The following FARP2 variants were observed in gnomAD, a reference collection of about 807,000 sequenced individuals.
The protein encoded by FARP2 is FERM, ARHGEF and pleckstrin domain-containing protein 2.
In FARP2, 111 loss-of-function variants were observed where a neutral mutation model predicts 130.5. That is an observed-to-expected ratio of 0.85 (90% CI 0.73 to 1.00). The LOEUF is 1.00. Ranked by LOEUF, FARP2 falls within the 50% of genes least tolerant of loss-of-function variation. The pLI, the probability that FARP2 is intolerant of heterozygous loss-of-function variation, is 0.00. For synonymous variants in FARP2, 504 were observed against 516.9 expected, an observed-to-expected ratio of 0.98 and a Z score of 0.34; for missense variants, 1,385 against 1,346.3, an observed-to-expected ratio of 1.03 and a Z score of -0.45.
At chr2:241,444,692 C>A (rs1469722081) in intron 13 of FARP2, 3 of 152,140 alleles carry the variant, frequency 2.0e-5, no homozygotes, top group Non-Finnish European at 4.4e-5. Flanking sequence ...AAATTTTGTT[C>A]TTGGGCATCT....
At chr2:241,359,921 G>A (rs2061148074) in intron 1 of FARP2, among the ~76,000 whole-genome samples, 1 of 152,116 alleles carries the variant, frequency 6.6e-6, no homozygotes, top group Non-Finnish European at 1.5e-5. Context: ...TCCTTGCAGT[G>A]GTGGTCATAC....
In FARP2 at chr2:241,459,825, G is replaced by A. The variant is rs1221911927; in HGVS notation, c.1588-2698G>A. ...ATTCCTTGGGCTGATTGGGCGGGGC[G>A]GGGCGGGGGCAGGGGCGGGACGGAA... On this transcript the variant is annotated intron_variant, in intron 14 of 26. Transcript: ENST00000264042. This position sits in a 1 kb window ranked among gnomAD's most constrained non-coding sequence, Gnocchi z 5.3. 1.3e-5 allele frequency among the ~76,000 whole-genome samples: 2 copies of A among 151,388 alleles called. No homozygotes were observed. The highest frequency in any genetic ancestry group is 3.4e-3 in the Middle Eastern group (1 of 294).
chr2:241,480,355 C>T (rs886478399), intron 19 of FARP2, among the ~76,000 whole-genome samples: 1 of 152,154 alleles, frequency 6.6e-6, no homozygotes, highest in Admixed American at 6.5e-5. Flanking sequence ...TTGGCTTAGA[C>T]AATTTATAAA....
chr2:241,435,010 G>A lies in FARP2; in HGVS notation c.1080G>A (p.Met360Ile), dbSNP rs747040061. 1.0e-5 allele frequency: 16 copies of A among 1,593,630 alleles called. No homozygotes were observed. In the East Asian group the frequency reaches 3.4e-4, roughly 34 times the overall value. The change falls in exon 11 of 27, where the codon ATG becomes ATA. Residue 360 changes from methionine (M) to isoleucine (I), a missense_variant. Physicochemically the swap from Met to Ile is conservative, Grantham distance 10 (BLOSUM62 1). Coordinates refer to ENST00000264042, the MANE Select transcript of FARP2 (RefSeq NM_014808.4). The part of the protein sequence containing the change: ...QLVDYFKDSG[M>I]KRIPYERRHS... The stretch of plus-strand genomic sequence containing the variant: ...TAGATTATTTCAAAGACAGTGGAAT[G>A]AAGAGAATTCCATATGAAAGGTAAG...
Position 241,413,345 on chromosome 2 carries a change from C to T in FARP2, c.547C>T (p.His183Tyr), listed in dbSNP as rs2062576108. The T allele has an allele frequency of 6.2e-7, 1 of 1,612,230 alleles. No homozygotes were observed. ...GDYDETLDREHLKVNEYLPGQ... is the reference protein window; with the variant it reads ...GDYDETLDREYLKVNEYLPGQ... ...TTACGATGAAACGCTGGACCGAGAG[C>T]ACCTCAAAGTGAACGAGTATTTGCC... The change falls in exon 7 of 27, where the codon CAC becomes TAC. Residue 183 changes from histidine (H) to tyrosine (Y), a missense_variant. His to Tyr is a moderately conservative substitution (Grantham distance 83). Coordinates refer to ENST00000264042, the MANE Select transcript of FARP2 (RefSeq NM_014808.4).
intron 13 of FARP2, chr2:241,444,829 AG>A: frequency 6.6e-6 from 1 of 152,208 alleles, no homozygotes; most frequent in East Asian, 1.9e-4. Context: ...CAGGAATGTA[AG>A]GAACCCGCAT....
At chr2:241,433,629 G>A (rs1291489740) in intron 9 of FARP2, among the ~76,000 whole-genome samples, 1 of 152,120 alleles carries the variant, frequency 6.6e-6, no homozygotes, top group Non-Finnish European at 1.5e-5. Flanking sequence ...TGTGATTGTG[G>A]GTGACTTCAT....
chr2:241,490,963 G>A (rs2064877155), intron 22 of FARP2, 98 bp from the exon 23 acceptor site: 1 of 870,836 alleles, frequency 1.1e-6, no homozygotes, highest in Non-Finnish European at 1.9e-6. Context: ...AAAGCAGAAT[G>A]TGAGAGAACA....
At chr2:241,432,619 A>C (rs2063121527) in intron 9 of FARP2, among the ~76,000 whole-genome samples, 1 of 152,192 alleles carries the variant, frequency 6.6e-6, no homozygotes, top group Admixed American at 6.5e-5. Context: ...GGGAGTAAAT[A>C]TTCCCTTCTT....
In FARP2 at chr2:241,483,548, C is replaced by T. The variant is rs752793433; in HGVS notation, c.2331+15C>T. ...TGTTTTTTCTGGTAGGTTCTCTCCC[C>T]ACTCAAGCTGTGCTTCCCCCCGAGG... is the stretch of plus-strand genomic sequence containing the variant. On this transcript the variant is annotated intron_variant, in intron 20 of 26. Coordinates refer to ENST00000264042, the MANE Select transcript of FARP2 (RefSeq NM_014808.4). The T allele has an allele frequency of 4.9e-5, 79 of 1,612,324 alleles. No homozygotes were observed. Among genetic ancestry groups the T allele is most frequent in the Non-Finnish European group, 6.4e-5 (76 of 1,178,432 alleles).
intron 4 of FARP2, among the ~76,000 whole-genome samples, chr2:241,407,123 G>C (rs2062381685): frequency 6.6e-6 from 1 of 152,062 alleles, no homozygotes; most frequent in African/African-American, 2.4e-5. Flanking sequence ...TGTTTTTAAG[G>C]CTTCCTTGAG....
At chr2:241,399,301 G>T (rs2062104040) in intron 2 of FARP2, among the ~76,000 whole-genome samples, 1 of 152,062 alleles carries the variant, frequency 6.6e-6, no homozygotes, top group African/African-American at 2.4e-5. Flanking sequence ...CAAGACCTTT[G>T]TTGGGTTTGT....
At chr2:241,491,725 G>C in intron 24 of FARP2, 46 bp downstream of exon 24, 1 of 1,539,140 alleles carries the variant, frequency 6.5e-7, no homozygotes, top group East Asian at 2.3e-5. Context: ...AATGTTCCCA[G>C]CTGTCTCTGC....
chr2:241,363,703 A>G (rs2061242364), intron 1 of FARP2, among the ~76,000 whole-genome samples: 1 of 152,256 alleles, frequency 6.6e-6, no homozygotes, highest in Non-Finnish European at 1.5e-5. Context: ...AAAGGCTTTG[A>G]AAGTGAAAGT....
chr2:241,381,090 T>C (rs1255298358), intron 2 of FARP2, among the ~76,000 whole-genome samples: 1 of 152,178 alleles, frequency 6.6e-6, no homozygotes, highest in Non-Finnish European at 1.5e-5. Flanking sequence ...TCCTAGGGGA[T>C]TGCCTCGTGC....
At chr2:241,382,386 C>T (rs374546386) in intron 2 of FARP2, among the ~76,000 whole-genome samples, 4 of 149,652 alleles carry the variant, frequency 2.7e-5, no homozygotes, top group South Asian at 2.1e-4. Flanking sequence ...TGGGCTCAAG[C>T]GATCCTCACA....
In FARP2 at chr2:241,402,864, A is replaced by C. The variant is rs1244064625; in HGVS notation, c.184-964A>C. Among the ~76,000 whole-genome samples, 40 of 11,024 alleles carry C rather than the reference A, an allele frequency of 3.6e-3. 3 individuals carry two copies. The Admixed American group carries it at 0.043, about 12-fold the overall frequency. The allele number at this position is 11,024 out of a possible 152,430, so 7.2% of individuals were successfully genotyped here. On this transcript the variant is annotated intron_variant, in intron 2 of 26. Transcript: ENST00000264042. ...TATATATATATATATATATATATAT[A>C]TATATATATATATATATTTTTTTTT...
intron 5 of FARP2, among the ~76,000 whole-genome samples, chr2:241,410,641 G>T (rs2150360949): frequency 6.6e-6 from 1 of 152,182 alleles, no homozygotes; most frequent in Middle Eastern, 3.4e-3. Context: ...TGTTGGTCAG[G>T]CTGGTCTCGA....
intron 1 of FARP2, among the ~76,000 whole-genome samples, chr2:241,356,724 C>G (rs976872319): frequency 6.6e-6 from 1 of 151,382 alleles, no homozygotes; most frequent in African/African-American, 2.4e-5. Flanking sequence ...CGCGTGGACT[C>G]GCGGGTTGAG....
Sources: gnomAD v4.1 joint callset for allele counts (sites outside exome capture counted in the v4.1 genomes callset) on GRCh38, gnomAD v4.1.1 for gene constraint, Gnocchi (gnomAD v3.1) non-coding constraint, MANE v1.5 for transcripts, NCBI Gene and HGNC (gene_info 2026-07-23, HGNC 2026-07-21) for gene names.